The following SETD2 variants were observed in gnomAD, a reference collection of about 807,000 sequenced individuals.
SETD2 encodes the protein SET domain containing 2, histone lysine methyltransferase, also known as histone-lysine N-methyltransferase SETD2.
SETD2 carries 31 observed loss-of-function variants against 242.1 expected under a neutral mutation model. The ratio of observed to expected loss-of-function variants is 0.13; its 90% CI spans 0.10 to 0.17. SETD2 has a LOEUF of 0.17. Among genes scored for constraint, SETD2 ranks in the 10% least tolerant of loss-of-function variants. The probability of loss-of-function intolerance (pLI) is 1.00; values close to 1 mark genes in which losing one functional copy is unlikely to be tolerated. For missense variants in SETD2, 2,481 were observed against 3,046.3 expected (o/e 0.81, Z 4.37); for synonymous variants, 1,006 against 1,066.5 (o/e 0.94, Z 1.11).
chr3:47,150,124 G>A (rs965664878), intron 1 of SETD2, among the ~76,000 whole-genome samples: 1 of 143,096 alleles, frequency 7.0e-6, no homozygotes, highest in Admixed American at 7.5e-5. Context: ...CTGCCTCCTG[G>A]GTTCAAGCAA....
Position 47,047,198 on chromosome 3 carries a change from A to G in SETD2, c.6964-577T>C, listed in dbSNP as rs561408317. On this transcript the variant is annotated intron_variant, in intron 15 of 20. Transcript: ENST00000409792. ...CAGAATCAATGCATCTGAAATTCTC[A>G]CAACACACCAATTTATACAGTGTTC... Among the ~76,000 whole-genome samples the G allele has an allele frequency of 2.2e-4, 34 of 152,356 alleles. No homozygotes were observed. The South Asian group carries it at 6.2e-3, about 28-fold the overall frequency.
chr3:47,027,020 C>T (rs940282928), intron 18 of SETD2, among the ~76,000 whole-genome samples: 4 of 151,922 alleles, frequency 2.6e-5, no homozygotes, highest in African/African-American at 9.7e-5. Context: ...ATTTCATTTA[C>T]ATAAAATGCC....
At position 47,163,971 on chromosome 3, in the gene SETD2, G is replaced by A; in HGVS notation, c.-47C>T. ...ACGCGAGCCCCCTCCCCGCAGCAGG[G>A]CGACGCGGGGGAGGGGAGGGGAGGA... is the stretch of plus-strand genomic sequence containing the variant. On this transcript the variant is annotated 5_prime_UTR_variant, in exon 1 of 21. Coordinates refer to ENST00000409792, the MANE Select transcript of SETD2 (RefSeq NM_014159.7). 7.9e-7 allele frequency: 1 copy of A among 1,263,228 alleles called. No individual in the cohort carries two copies. The highest frequency in any genetic ancestry group is 1.0e-6 in the Non-Finnish European group (1 of 997,138). The allele number at this position is 1,263,228 out of a possible 1,614,324, so 78.3% of individuals were successfully genotyped here.
intron 2 of SETD2, among the ~76,000 whole-genome samples, chr3:47,125,515 C>T (rs1264302884): frequency 6.6e-6 from 1 of 152,032 alleles, no homozygotes; most frequent in African/African-American, 2.4e-5. Flanking sequence ...TAATCAATGT[C>T]CCAGGTTTGG....
intron 14 of SETD2, among the ~76,000 whole-genome samples, chr3:47,059,536 C>CA (rs1446795979): frequency 6.6e-6 from 1 of 151,784 alleles, no homozygotes; most frequent in Non-Finnish European, 1.5e-5. Flanking sequence ...TCTCCTGCCT[C>CA]AGTCTCCCGA....
intron 15 of SETD2, among the ~76,000 whole-genome samples, chr3:47,049,830 CTT>C (rs2039734419): frequency 7.1e-6 from 1 of 141,760 alleles, no homozygotes; most frequent in Non-Finnish European, 1.5e-5. Context: ...TATATATAAA[CTT>C]ATTCTGAGTT....
intron 16 of SETD2, among the ~76,000 whole-genome samples, chr3:47,044,510 GTCA>G (rs2039434034): frequency 1.3e-5 from 2 of 151,946 alleles, no homozygotes; most frequent in African/African-American, 2.4e-5. Flanking sequence ...CCTGTCTAAA[GTCA>G]TCATCAATTG....
At chr3:47,141,992 C>G (rs6442058) in intron 1 of SETD2, among the ~76,000 whole-genome samples, 10,338 of 152,136 alleles carry the variant, frequency 0.068, 1,175 homozygotes, top group African/African-American at 0.23. Flanking sequence ...CATATTCTTA[C>G]AAGGCAAAGC....
At chr3:47,164,328 C>G (rs965345343), upstream of SETD2, among the ~76,000 whole-genome samples, 6 of 152,142 alleles carry the variant, frequency 3.9e-5, no homozygotes, top group Non-Finnish European at 5.9e-5. The surrounding 1 kb of genome is among the most constrained non-coding windows in gnomAD (Gnocchi z 5.4). Context: ...ACAATAAACC[C>G]CCGGCCCCAG....
intron 1 of SETD2, among the ~76,000 whole-genome samples, chr3:47,151,252 A>G (rs556368840): frequency 6.6e-6 from 1 of 152,330 alleles, no homozygotes; most frequent in Non-Finnish European, 1.5e-5. Context: ...CCAGGCTTCA[A>G]TGAAATGTTA....
intron 1 of SETD2, among the ~76,000 whole-genome samples, chr3:47,144,263 G>A (rs1422408824): frequency 1.3e-5 from 2 of 152,120 alleles, no homozygotes; most frequent in Non-Finnish European, 2.9e-5. Flanking sequence ...GGAGGCCAAG[G>A]CAGGAGGATC....
rs754908370 is a variant in SETD2, at chr3:47,122,301, C to A, written c.2335G>T (p.Val779Phe). Reference sequence around the variant, plus strand: ...TTGCAGCAAGAAACCCTCGTATCAACTGGTTCTTTAACTACTGTTTTGGAA... The same window carrying A: ...TTGCAGCAAGAAACCCTCGTATCAAATGGTTCTTTAACTACTGTTTTGGAA... ...DYSKTVVKEP[V>F]DTRVSCCKTK... Residue 779 changes from valine to phenylalanine, a missense_variant, in exon 3 of 21, where the codon GTT (valine) becomes TTT (phenylalanine). Val to Phe is a conservative substitution (Grantham distance 50). This residue lies in a region of SETD2 where 1,300 missense variants were observed against 1,259.2 expected (regional missense o/e 1.03). Coordinates refer to ENST00000409792, the MANE Select transcript of SETD2 (RefSeq NM_014159.7). 1 of 1,614,168 alleles carries A rather than the reference C, an allele frequency of 6.2e-7. No individual in the cohort carries two copies. Among genetic ancestry groups the A allele is most frequent in the Non-Finnish European group, 8.5e-7 (1 of 1,180,016 alleles).
At chr3:47,075,260 T>A (rs2041007526) in intron 12 of SETD2, among the ~76,000 whole-genome samples, 1 of 151,704 alleles carries the variant, frequency 6.6e-6, no homozygotes, top group African/African-American at 2.4e-5. Context: ...CAGAAGCAGA[T>A]TAAGAATGAT....
intron 18 of SETD2, among the ~76,000 whole-genome samples, chr3:47,035,641 A>G (rs2038963053): frequency 6.6e-6 from 1 of 152,234 alleles, no homozygotes; most frequent in Non-Finnish European, 1.5e-5. Context: ...ATACTAGACC[A>G]AAAGACTGAA....
In SETD2 at chr3:47,069,870, C is replaced by T. The variant is rs138371395; in HGVS notation, c.6061-2752G>A. ...GTTATTAGACAGGAAAAAGTAAGAACGCCATTTATTACCATCTACCCACAC... is the reference window on the plus strand; with the variant it reads ...GTTATTAGACAGGAAAAAGTAAGAATGCCATTTATTACCATCTACCCACAC... On this transcript the variant is annotated intron_variant, in intron 12 of 20. Coordinates refer to ENST00000409792, the MANE Select transcript of SETD2 (RefSeq NM_014159.7). Among the ~76,000 whole-genome samples, 722 of 152,202 alleles carry T rather than the reference C, an allele frequency of 4.7e-3. 2 individuals are homozygous for T. Among genetic ancestry groups the T allele is most frequent in the Admixed American group, 7.5e-3 (114 of 15,282 alleles).
At chr3:47,047,600 C>T (rs1228054997) in intron 15 of SETD2, among the ~76,000 whole-genome samples, 1 of 152,106 alleles carries the variant, frequency 6.6e-6, no homozygotes, top group African/African-American at 2.4e-5. Context: ...CTCAAGTAGT[C>T]TGAATAGGCA....
intron 11 of SETD2, among the ~76,000 whole-genome samples, chr3:47,085,071 A>G (rs752819800): frequency 5.9e-5 from 9 of 152,218 alleles, no homozygotes; most frequent in Middle Eastern, 3.4e-3. Context: ...GACTCAGATT[A>G]TTTCTGCAAG....
chr3:47,048,188 G>A (rs2039617946), intron 15 of SETD2, among the ~76,000 whole-genome samples: 1 of 152,182 alleles, frequency 6.6e-6, no homozygotes, highest in Non-Finnish European at 1.5e-5. Flanking sequence ...AGGAGATCGA[G>A]ACCATCCTGG....
At chr3:47,026,331 T>C (rs979439690) in intron 18 of SETD2, among the ~76,000 whole-genome samples, 6 of 152,114 alleles carry the variant, frequency 3.9e-5, no homozygotes, top group African/African-American at 1.4e-4. Context: ...TTGTGGAAAA[T>C]AGGAATGCTT....
Sources: gnomAD v4.1 joint callset for allele counts (sites outside exome capture counted in the v4.1 genomes callset) on GRCh38, gnomAD v4.1.1 for gene constraint, gnomAD v4.1.1 regional missense constraint, Gnocchi (gnomAD v3.1) non-coding constraint, MANE v1.5 for transcripts, NCBI Gene and HGNC (gene_info 2026-07-23, HGNC 2026-07-21) for gene names.